TRPM2: variants seen among roughly 807,000 people sequenced by gnomAD.
The protein encoded by TRPM2 is estrogen-responsive element-associated gene 1 protein.
A neutral mutation model predicts 174.0 loss-of-function variants in TRPM2; 161 were observed. That is an observed-to-expected ratio of 0.93 (90% CI 0.81 to 1.05). The LOEUF is 1.05. TRPM2 is among the 50% of genes least tolerant of loss of function. TRPM2 has a pLI of 0.00. For missense variants in TRPM2, 2,057 were observed against 2,038.0 expected (o/e 1.01, Z -0.18); for synonymous variants, 954 against 861.3 (o/e 1.11, Z -1.88).
At chr21:44,390,680 A>C (rs2049145434) in intron 9 of TRPM2, among the ~76,000 whole-genome samples, 1 of 152,138 alleles carries the variant, frequency 6.6e-6, no homozygotes, top group Admixed American at 6.6e-5. Context: ...GAGTGAGTGG[A>C]CGTGATGACC....
intron 14 of TRPM2, 102 bp from the exon 15 acceptor site, chr21:44,400,157 G>A: frequency 1.1e-6 from 1 of 951,612 alleles, no homozygotes; most frequent in Non-Finnish European, 1.6e-6. Flanking sequence ...CTGCAGGCTA[G>A]CTCTGTCCAC....
At chr21:44,441,569 A>G in intron 31 of TRPM2, 123 bp from the exon 32 acceptor site, 1 of 1,294,066 alleles carries the variant, frequency 7.7e-7, no homozygotes. Context: ...CCTGCCTCCC[A>G]TTTCACAGAG....
intron 17 of TRPM2, 68 bp from the exon 18 acceptor site, chr21:44,405,837 C>T (rs576728291): frequency 8.2e-5 from 128 of 1,558,576 alleles, no homozygotes; most frequent in Non-Finnish European, 1.0e-4. Context: ...GGAGGGGCGA[C>T]GGGGGACAGC....
At position 44,364,177 on chromosome 21, in the gene TRPM2, C is replaced by T. The variant is rs2048293301; in HGVS notation, c.318C>T (p.His106=). 5.0e-6 allele frequency: 8 copies of T among 1,614,250 alleles called. No homozygotes were observed. Among genetic ancestry groups the T allele is most frequent in the South Asian group, 1.1e-5 (1 of 91,092 alleles). The change falls in exon 3 of 32, where the codon CAC becomes CAT. Residue 106 remains histidine (H), a synonymous_variant. Coordinates refer to ENST00000397928, the MANE Select transcript of TRPM2 (RefSeq NM_003307.4). Reference sequence around the variant, plus strand: ...ACTTGGAGGAGGCTACCAAGCCCCACACCTTCCAGGGCACACAGTGGGACC... The same window carrying T: ...ACTTGGAGGAGGCTACCAAGCCCCATACCTTCCAGGGCACACAGTGGGACC... The part of the protein sequence containing the change: ...EQHLEEATKP[H]TFQGTQWDPK...
At position 44,391,080 on chromosome 21, in the gene TRPM2, CCA is replaced by C. The variant is rs1320681533; in HGVS notation, c.1440+57_1440+58del. 1 of 1,607,740 alleles carries C rather than the reference CCA, an allele frequency of 6.2e-7. No homozygotes were observed. The highest frequency in any genetic ancestry group is 8.5e-7 in the Non-Finnish European group (1 of 1,175,834). On this transcript the variant is annotated intron_variant, in intron 10 of 31. Transcript: ENST00000397928. This position sits in a 1 kb window ranked among gnomAD's most constrained non-coding sequence, Gnocchi z 5.0. ...GCCTACTGGGCCCACATGCATTGCACCACTGAAGCAAGGGCAGGCAAAGTTCG... is the reference window on the plus strand; with the variant it reads ...GCCTACTGGGCCCACATGCATTGCACCTGAAGCAAGGGCAGGCAAAGTTCG...
chr21:44,435,084 T>C, intron 27 of TRPM2, 47 bp from the exon 28 acceptor site: 1 of 1,580,716 alleles, frequency 6.3e-7, no homozygotes, highest in Non-Finnish European at 8.7e-7. Flanking sequence ...CCTGTCCTGC[T>C]CCCCCATTGG....
chr21:44,356,534 T>A (rs1841510493), intron 2 of TRPM2, among the ~76,000 whole-genome samples: 2 of 85,534 alleles, frequency 2.3e-5, no homozygotes, highest in Admixed American at 2.1e-4. Flanking sequence ...CTTGGCTATT[T>A]TTTTTTTTTT....
rs1027907271 is a variant in TRPM2, at chr21:44,363,582, T to C, written c.255-532T>C. ...TATTTTTTCATTTGTTTTGAGCATGTTCATGATTGCTTGTTGAAGCATTTC... is the reference window on the plus strand; with the variant it reads ...TATTTTTTCATTTGTTTTGAGCATGCTCATGATTGCTTGTTGAAGCATTTC... On this transcript the variant is annotated intron_variant, in intron 2 of 31. Coordinates refer to ENST00000397928, the MANE Select transcript of TRPM2 (RefSeq NM_003307.4). 1.1e-4 allele frequency among the ~76,000 whole-genome samples: 16 copies of C among 152,230 alleles called. 1 individual carries two copies. Among genetic ancestry groups the C allele is most frequent in the Admixed American group, 1.0e-3 (16 of 15,282 alleles).
At chr21:44,353,522 G>A, upstream of TRPM2, 2 of 793,182 alleles carry the variant, frequency 2.5e-6, no homozygotes, top group Non-Finnish European at 1.8e-6. Flanking sequence ...AGAACCGGAT[G>A]AGGGCTTCAC....
chr21:44,382,637 G>A (rs1416010854), intron 8 of TRPM2, 81 bp from the exon 9 acceptor site: 36 of 1,365,816 alleles, frequency 2.6e-5, no homozygotes, highest in Middle Eastern at 3.7e-4. Context: ...GGCTGTGTCC[G>A]GGGCCTCAAT....
rs1362259486 is a variant in TRPM2, at chr21:44,439,973, G to T, written c.4269+805G>T. Among the ~76,000 whole-genome samples the T allele has an allele frequency of 6.6e-6, 1 of 151,838 alleles. No homozygotes were observed. The highest frequency in any genetic ancestry group is 2.4e-5 in the African/African-American group (1 of 41,396). ...GGGCTCAAGCGATCTGCCCACCTCA[G>T]CCTCCCAAAGTGCTGGGATTACAGG... On this transcript the variant is annotated intron_variant, in intron 30 of 31. Coordinates refer to ENST00000397928, the MANE Select transcript of TRPM2 (RefSeq NM_003307.4). This position sits in a 1 kb window ranked among gnomAD's most constrained non-coding sequence, Gnocchi z 5.1.
intron 9 of TRPM2, among the ~76,000 whole-genome samples, chr21:44,383,235 G>T (rs1380496219): frequency 1.3e-5 from 2 of 152,144 alleles, no homozygotes; most frequent in Non-Finnish European, 2.9e-5. Flanking sequence ...AGCTGTAGTG[G>T]CTCTCTGTGT....
At chr21:44,405,281 G>C (rs1464898153) in intron 17 of TRPM2, 21 bp downstream of exon 17, 1 of 1,610,354 alleles carries the variant, frequency 6.2e-7, no homozygotes, top group East Asian at 2.2e-5. Flanking sequence ...TCACCCCGAT[G>C]GCGGGCCCGT....
upstream of TRPM2, among the ~76,000 whole-genome samples, chr21:44,352,371 C>G (rs2123000794): frequency 5.3e-5 from 8 of 152,212 alleles, no homozygotes; most frequent in African/African-American, 1.7e-4. Flanking sequence ...GAGTGCCCGC[C>G]CCAGGACAGC....
At chr21:44,361,343 C>A (rs147643645) in intron 2 of TRPM2, among the ~76,000 whole-genome samples, 59 of 152,112 alleles carry the variant, frequency 3.9e-4, no homozygotes, top group Non-Finnish European at 5.1e-4. Flanking sequence ...GAACTCCTGA[C>A]CTCAAATGAT....
chr21:44,370,624 G>C (rs1207194315), intron 5 of TRPM2, among the ~76,000 whole-genome samples: 1 of 152,178 alleles, frequency 6.6e-6, no homozygotes, highest in Non-Finnish European at 1.5e-5. Context: ...GACACTGTGC[G>C]TCCATTCCCC....
chr21:44,380,675 T>A (rs1167593464), intron 8 of TRPM2, among the ~76,000 whole-genome samples: 1 of 152,100 alleles, frequency 6.6e-6, no homozygotes, highest in Non-Finnish European at 1.5e-5. Context: ...AGAGTGTCCG[T>A]CTACACTGTG....
At chr21:44,426,930 G>A (rs141133941) in intron 26 of TRPM2, 80 bp from the exon 27 acceptor site, 42 of 1,422,294 alleles carry the variant, frequency 3.0e-5, no homozygotes, top group South Asian at 3.8e-5. Context: ...GGCCCTTGGT[G>A]GGGGGGTGAT....
chr21:44,425,124 A>T, intron 24 of TRPM2, 185 bp downstream of exon 24: 1 of 601,368 alleles, frequency 1.7e-6, no homozygotes, highest in Non-Finnish European at 2.9e-6. Flanking sequence ...GCTGGCGCCG[A>T]GGCCCCGCCC....
Sources: gnomAD v4.1 joint callset for allele counts (sites outside exome capture counted in the v4.1 genomes callset) on GRCh38, gnomAD v4.1.1 for gene constraint, Gnocchi (gnomAD v3.1) non-coding constraint, MANE v1.5 for transcripts, NCBI Gene and HGNC (gene_info 2026-07-23, HGNC 2026-07-21) for gene names.